Variants in ZNF385D observed in about 807,000 individuals in gnomAD.
ZNF385D encodes zinc finger protein 659.
In ZNF385D, 15 loss-of-function variants were observed where a neutral mutation model predicts 35.8. That is an observed-to-expected ratio of 0.42 (90% confidence interval 0.28 to 0.64). The LOEUF (loss-of-function observed/expected upper bound fraction) is 0.64, where lower values mean the gene tolerates loss of function less well. ZNF385D is among the 30% of genes least tolerant of loss of function. The pLI is 0.23. For missense variants in ZNF385D, 474 were observed against 494.6 expected, an observed-to-expected ratio of 0.96 and a Z score of 0.39; for synonymous variants, 212 against 186.8, an observed-to-expected ratio of 1.13 and a Z score of -1.10.
At chr3:22,020,502 A>T (rs1401137852) in intron 3 of ZNF385D, among the ~76,000 whole-genome samples, 1 of 151,984 alleles carries the variant, frequency 6.6e-6, no homozygotes, top group African/African-American at 2.4e-5. Context: ...GAAGACATAA[A>T]AACGGCCAAC....
At chr3:22,147,519 C>T (rs543336975) in intron 3 of ZNF385D, among the ~76,000 whole-genome samples, 1 of 152,020 alleles carries the variant, frequency 6.6e-6, no homozygotes, top group Admixed American at 6.6e-5. Context: ...AAGATGGTGT[C>T]AATACAGAGG....
rs1454283642 is a variant in ZNF385D at position 21,602,414 on chromosome 3, A to C, written c.166-37730T>G. ...AATAATAAATGAATGGGCACATAGA[A>C]CTCTTATTTTACGGGAAATGCAGTG... On this transcript the variant is annotated intron_variant, in intron 2 of 7. Transcript: ENST00000281523. Among the ~76,000 whole-genome samples the C allele has an allele frequency of 1.7e-4, 25 of 151,474 alleles. 1 individual carries two copies. Among genetic ancestry groups the C allele is most frequent in the Admixed American group, 1.6e-3 (25 of 15,218 alleles).
intron 2 of ZNF385D, among the ~76,000 whole-genome samples, chr3:22,238,223 G>A (rs1184069515): frequency 6.6e-6 from 1 of 151,016 alleles, no homozygotes; most frequent in East Asian, 2.0e-4. Context: ...AGTAAGTTTT[G>A]CAATTGGAAA....
At chr3:21,801,245 T>C (rs899139751) in intron 3 of ZNF385D, among the ~76,000 whole-genome samples, 11 of 152,162 alleles carry the variant, frequency 7.2e-5, no homozygotes, top group African/African-American at 1.4e-4. Flanking sequence ...TTGAGGATTT[T>C]TGTGTGTGTC....
intron 3 of ZNF385D, among the ~76,000 whole-genome samples, chr3:21,794,684 G>C (rs921153189): frequency 6.6e-6 from 1 of 152,130 alleles, no homozygotes; most frequent in Non-Finnish European, 1.5e-5. Context: ...TGGGATGGGA[G>C]GAAGAGTCAT....
intron 3 of ZNF385D, among the ~76,000 whole-genome samples, chr3:21,564,016 C>G (rs573919920): frequency 3.0e-4 from 45 of 152,242 alleles, no homozygotes; most frequent in Admixed American, 1.3e-3. Context: ...CCTACATGTT[C>G]TCCACTGAAG....
chr3:21,631,295 C>A (rs975875913), intron 2 of ZNF385D, among the ~76,000 whole-genome samples: 1 of 152,042 alleles, frequency 6.6e-6, no homozygotes, highest in Non-Finnish European at 1.5e-5. Context: ...CCTTCCAAGG[C>A]ATGTCAACCC....
At chr3:22,135,024 G>C (rs1392827579) in intron 3 of ZNF385D, among the ~76,000 whole-genome samples, 1 of 152,054 alleles carries the variant, frequency 6.6e-6, no homozygotes, top group Admixed American at 6.6e-5. Context: ...TATATCCTTT[G>C]ATCATAAGAG....
intron 2 of ZNF385D, among the ~76,000 whole-genome samples, chr3:22,172,596 A>G (rs950989348): frequency 2.0e-5 from 3 of 152,178 alleles, no homozygotes; most frequent in Admixed American, 1.3e-4. Context: ...CACCCCTGGC[A>G]TGGGTCTCTG....
At chr3:21,620,975 C>T (rs990912572) in intron 2 of ZNF385D, among the ~76,000 whole-genome samples, 2 of 151,912 alleles carry the variant, frequency 1.3e-5, no homozygotes, top group Admixed American at 1.3e-4. Flanking sequence ...ACTGTGCCCA[C>T]AGGCATGCAC....
chr3:21,525,434 T>C (rs900262714), intron 3 of ZNF385D, among the ~76,000 whole-genome samples: 1 of 152,070 alleles, frequency 6.6e-6, no homozygotes. Context: ...ATGCCTGTAA[T>C]CCCAGCACTT....
chr3:22,005,083 A>AAAAAAAAAAC lies in ZNF385D; in HGVS notation c.325+163733_325+163734insGTTTTTTTTT, dbSNP rs1553717904. ...AAAAAAAAAAAAAAAAAAAAAAAAA[A>AAAAAAAAAAC]AGGCAGAAAAGCAGATAATCCCATT... On this transcript the variant is annotated intron_variant, in intron 3 of 5. Transcript: ENST00000494108. Among the ~76,000 whole-genome samples, 4 of 117,312 alleles carry AAAAAAAAAAC rather than the reference A, an allele frequency of 3.4e-5. 1 individual carries two copies. The highest frequency in any genetic ancestry group is 6.8e-5 in the Non-Finnish European group (4 of 58,480). 77.0% of individuals were successfully genotyped at this position (117,312 alleles called of 152,430 possible).
intron 3 of ZNF385D, among the ~76,000 whole-genome samples, chr3:21,861,891 T>C: frequency 6.6e-6 from 1 of 152,094 alleles, no homozygotes; most frequent in East Asian, 1.9e-4. Flanking sequence ...CAGTGAGACA[T>C]GAAGGTCTAG....
chr3:21,751,004 C>T lies in ZNF385D; in HGVS notation c.-88G>A, dbSNP rs545669986. 84 of 1,609,760 alleles carry T rather than the reference C, an allele frequency of 5.2e-5. No homozygotes were observed. In the Admixed American group the frequency reaches 8.2e-4, roughly 16 times the overall value. On this transcript the variant is annotated 5_prime_UTR_variant, in exon 1 of 8. An upstream start codon of the reference 5' UTR is lost. Transcript: ENST00000281523. ...CGTAGAGCAGAGCCCTTTCATGCTACATTCGGTGGAAATGTCCCCGGCGTG... is the reference window on the plus strand; with the variant it reads ...CGTAGAGCAGAGCCCTTTCATGCTATATTCGGTGGAAATGTCCCCGGCGTG...
chr3:22,026,846 TC>T (rs983239324), intron 3 of ZNF385D, among the ~76,000 whole-genome samples: 3 of 152,344 alleles, frequency 2.0e-5, no homozygotes, highest in East Asian at 1.9e-4. Flanking sequence ...TCCCACCACG[TC>T]CCCATTCAAC....
intron 2 of ZNF385D, among the ~76,000 whole-genome samples, chr3:22,230,878 T>C (rs1698847681): frequency 6.6e-6 from 1 of 152,150 alleles, no homozygotes; most frequent in Admixed American, 6.5e-5. Context: ...GTTAAGCCAG[T>C]CATTAGAGAA....
At chr3:22,067,061 T>A (rs1044621233) in intron 3 of ZNF385D, among the ~76,000 whole-genome samples, 1 of 152,198 alleles carries the variant, frequency 6.6e-6, no homozygotes, top group African/African-American at 2.4e-5. Context: ...GGAATTACTC[T>A]TTTAATGTTC....
chr3:21,734,442 TTG>T (rs1211312343), intron 1 of ZNF385D, among the ~76,000 whole-genome samples: 1 of 152,060 alleles, frequency 6.6e-6, no homozygotes, highest in Non-Finnish European at 1.5e-5. Context: ...ATTGATGAAT[TTG>T]TGAGATTTAT....
intron 1 of ZNF385D, among the ~76,000 whole-genome samples, chr3:21,720,437 C>G (rs1014943419): frequency 6.6e-6 from 1 of 152,110 alleles, no homozygotes; most frequent in African/African-American, 2.4e-5. Flanking sequence ...ATCTGTACTC[C>G]CAGTTACTCA....
Sources: allele counts gnomAD v4.1 joint callset (sites outside exome capture counted in the v4.1 genomes callset), GRCh38; gene constraint gnomAD v4.1.1; transcripts MANE v1.5; gene names NCBI Gene and HGNC (gene_info 2026-07-23, HGNC 2026-07-21).